Variants in TBCD observed in about 807,000 individuals in gnomAD.
TBCD encodes the protein tubulin folding cofactor D.
TBCD carries 105 observed loss-of-function variants against 169.3 expected under a neutral mutation model. The observed-to-expected ratio is 0.62, with a 90% CI of 0.53 to 0.73. The LOEUF is 0.73. Ranked by LOEUF, TBCD falls within the 30% of genes least tolerant of loss-of-function variation. The pLI is 0.00. For missense variants in TBCD, 1,444 were observed against 1,600.1 expected (o/e 0.90, Z 1.66); for synonymous variants, 700 against 643.9 (o/e 1.09, Z -1.32).
intron 3 of TBCD, among the ~76,000 whole-genome samples, chr17:82,764,783 A>G (rs2047943093): frequency 6.7e-6 from 1 of 149,338 alleles, no homozygotes; most frequent in Non-Finnish European, 1.5e-5. Context: ...CTGTGCTCAT[A>G]GTCTGCTTTT....
rs999808561 is a variant in TBCD at position 82,834,932 on chromosome 17, T to G, written c.1318+19998T>G. On this transcript the variant is annotated intron_variant, in intron 13 of 38. Coordinates refer to ENST00000355528, the MANE Select transcript of TBCD (RefSeq NM_005993.5). ...TAAATGGAGGGCTGGGGGCCGTGGC[T>G]CATGCCTGTAATCCCAGCACTTTGG... 5.0e-4 allele frequency among the ~76,000 whole-genome samples: 76 copies of G among 151,912 alleles called. 1 individual carries two copies. Among genetic ancestry groups the G allele is most frequent in the Admixed American group, 5.0e-3 (76 of 15,256 alleles).
chr17:82,792,228 A>T (rs1234284551), intron 7 of TBCD, among the ~76,000 whole-genome samples: 1 of 152,074 alleles, frequency 6.6e-6, no homozygotes, highest in South Asian at 2.1e-4. Context: ...GAATCGCTCG[A>T]ACCCAGGAGG....
intron 13 of TBCD, among the ~76,000 whole-genome samples, chr17:82,837,907 G>A (rs7225515): frequency 0.24 from 36,026 of 152,214 alleles, 4,570 homozygotes; most frequent in East Asian, 0.46. Flanking sequence ...ACTAAAGGGC[G>A]TAAGAACAGT....
chr17:82,812,799 C>A (rs148532495), intron 12 of TBCD, among the ~76,000 whole-genome samples: 317 of 152,288 alleles, frequency 2.1e-3, no homozygotes, highest in African/African-American at 6.8e-3. Flanking sequence ...CCTCGGCCTC[C>A]CGGAGTGCTG....
At chr17:82,834,129 G>A (rs952713646) in intron 13 of TBCD, among the ~76,000 whole-genome samples, 1 of 152,116 alleles carries the variant, frequency 6.6e-6, no homozygotes, top group Non-Finnish European at 1.5e-5. Context: ...TGTATTTTTA[G>A]TAGAGACGGG....
At chr17:82,933,340 T>C (rs1019625276) in intron 34 of TBCD, among the ~76,000 whole-genome samples, 2 of 138,746 alleles carry the variant, frequency 1.4e-5, no homozygotes, top group Non-Finnish European at 3.1e-5. Flanking sequence ...AGTGGCACAA[T>C]CACAGCTCAC....
At position 82,920,928 on chromosome 17, in the gene TBCD, C is replaced by T. The variant is rs2061385430; in HGVS notation, c.2101+310C>T. On this transcript the variant is annotated intron_variant, in intron 24 of 38. Coordinates refer to ENST00000355528, the MANE Select transcript of TBCD (RefSeq NM_005993.5). The surrounding 1 kb of genome is among the most constrained non-coding windows in gnomAD (Gnocchi z 4.1). ...CAGGCAGACAGTCGGGAGCTGCAGC[C>T]ACCCAGGCCCTCGTGGACCAGGAGC... The T allele has an allele frequency of 2.8e-5, 11 of 386,660 alleles. No homozygotes were observed. Among genetic ancestry groups the T allele is most frequent in the South Asian group, 2.8e-4 (10 of 35,934 alleles). 24.0% of individuals were successfully genotyped at this position (386,660 alleles called of 1,614,324 possible).
intron 13 of TBCD, among the ~76,000 whole-genome samples, chr17:82,824,876 C>T (rs189646156): frequency 2.0e-3 from 300 of 152,126 alleles, no homozygotes; most frequent in Non-Finnish European, 3.3e-3. Flanking sequence ...GTAAAAATTA[C>T]GAGTGTTTAG....
intron 13 of TBCD, chr17:82,830,639 A>G (rs1359893076): frequency 1.9e-6 from 3 of 1,613,994 alleles, no homozygotes; most frequent in East Asian, 2.2e-5. Context: ...TGGGTGTTAC[A>G]GGGGTCCTTC....
At chr17:82,836,039 G>A (rs891390549) in intron 13 of TBCD, among the ~76,000 whole-genome samples, 5 of 152,216 alleles carry the variant, frequency 3.3e-5, no homozygotes, top group African/African-American at 1.2e-4. Context: ...CCGGGTCAAG[G>A]CCAAGCAAAT....
chr17:82,758,400 A>AAAAAAAAAAAAAAAAATAAAT (rs1035939621), intron 2 of TBCD, among the ~76,000 whole-genome samples: 1 of 100,026 alleles, frequency 1.0e-5, no homozygotes, highest in South Asian at 3.8e-4. Context: ...AAAAAAAAAA[A>AAAAAAAAAAAAAAAAATAAAT]AAATAAATAA....
chr17:82,786,818 T>C (rs552682922), intron 7 of TBCD, among the ~76,000 whole-genome samples: 51 of 108,702 alleles, frequency 4.7e-4, no homozygotes, highest in South Asian at 2.7e-3. Flanking sequence ...GTTCGGTTCT[T>C]TACTTTTTTT....
At position 82,874,010 on chromosome 17, in the gene TBCD, C is replaced by T. The variant is rs1367448338; in HGVS notation, c.1475+3630C>T. On this transcript the variant is annotated intron_variant, in intron 14 of 38. Transcript: ENST00000355528. The surrounding 1 kb of genome is among the most constrained non-coding windows in gnomAD (Gnocchi z 5.0). ...AGCCTCCTGTTGGCCCCGTGAGGGT[C>T]CTGACTGGGGCTCCTCTTTTGGAGC... Among the ~76,000 whole-genome samples the T allele has an allele frequency of 6.6e-6, 1 of 152,208 alleles. No homozygotes were observed. The highest frequency in any genetic ancestry group is 2.4e-5 in the African/African-American group (1 of 41,444).
rs893354308 is a variant in TBCD at position 82,836,263 on chromosome 17, C to T, written c.1318+21329C>T. 4.6e-5 allele frequency among the ~76,000 whole-genome samples: 7 copies of T among 152,238 alleles called. No individual in the cohort carries two copies. In the East Asian group the frequency reaches 5.8e-4, roughly 13 times the overall value. On this transcript the variant is annotated intron_variant, in intron 13 of 38. Coordinates refer to ENST00000355528, the MANE Select transcript of TBCD (RefSeq NM_005993.5). ...CCAGCTCAGTCAGTGGGGCCTGTGCCGGCATGCCTCGCCGCGCTCCCTGGT... is the reference window on the plus strand; with the variant it reads ...CCAGCTCAGTCAGTGGGGCCTGTGCTGGCATGCCTCGCCGCGCTCCCTGGT...
chr17:82,862,923 G>A (rs893407378), intron 13 of TBCD, among the ~76,000 whole-genome samples: 1 of 152,236 alleles, frequency 6.6e-6, no homozygotes, highest in African/African-American at 2.4e-5. Context: ...GACTGTCGAT[G>A]AGAGCTCTGA....
intron 13 of TBCD, among the ~76,000 whole-genome samples, chr17:82,861,593 C>A (rs1424824866): frequency 6.6e-6 from 1 of 152,206 alleles, no homozygotes; most frequent in Admixed American, 6.5e-5. Context: ...GCTGTGATTG[C>A]GGCTGTCAGC....
intron 3 of TBCD, 83 bp downstream of exon 3, chr17:82,764,145 C>T (rs2047909165): frequency 1.8e-6 from 2 of 1,088,054 alleles, no homozygotes; most frequent in Non-Finnish European, 2.7e-6. Flanking sequence ...AATGTTATTT[C>T]TCAAGAAAGA....
chr17:82,939,992 T>C (rs2062975379), intron 37 of TBCD, among the ~76,000 whole-genome samples: 1 of 152,196 alleles, frequency 6.6e-6, no homozygotes, highest in Non-Finnish European at 1.5e-5. Flanking sequence ...AGGCACAGTT[T>C]CTGCAACATG....
Position 82,889,551 on chromosome 17 carries a change from T to A in TBCD, c.1534-117T>A. 1 of 1,288,232 alleles carries A rather than the reference T, an allele frequency of 7.8e-7. No homozygotes were observed. Among genetic ancestry groups the A allele is most frequent in the Non-Finnish European group, 1.1e-6 (1 of 911,808 alleles). The allele number at this position is 1,288,232 out of a possible 1,614,324, so 79.8% of individuals were successfully genotyped here. ...CTCTGTTCAGCCAACAATGAGGGCT[T>A]TTATTTAAAAAATAAAGCCGTGGGT... is the stretch of plus-strand genomic sequence containing the variant. On this transcript the variant is annotated intron_variant, in intron 15 of 38. Transcript: ENST00000355528. The surrounding 1 kb of genome is among the most constrained non-coding windows in gnomAD (Gnocchi z 5.3).
Sources: allele counts gnomAD v4.1 joint callset (sites outside exome capture counted in the v4.1 genomes callset), GRCh38; gene constraint gnomAD v4.1.1; non-coding constraint Gnocchi (gnomAD v3.1); transcripts MANE v1.5; gene names NCBI Gene and HGNC (gene_info 2026-07-23, HGNC 2026-07-21).